The following ERN1 variants were observed in gnomAD, a reference collection of about 807,000 sequenced individuals.
The protein encoded by ERN1 is endoplasmic reticulum to nucleus signaling 1.
ERN1 carries 39 observed loss-of-function variants against 113.1 expected under a neutral mutation model. That is an observed-to-expected ratio of 0.34 (90% CI 0.27 to 0.45). ERN1 has a LOEUF of 0.45. Ranked by LOEUF, ERN1 falls within the 20% of genes least tolerant of loss-of-function variation. The pLI is 1.00. For synonymous variants in ERN1, 507 were observed against 515.9 expected (o/e 0.98, Z 0.23); for missense variants, 976 against 1,274.8 (o/e 0.77, Z 3.57).
At chr17:64,107,347 G>T (rs55905528) in intron 1 of ERN1, among the ~76,000 whole-genome samples, 3 of 152,268 alleles carry the variant, frequency 2.0e-5, no homozygotes, top group Admixed American at 6.5e-5. Flanking sequence ...TTGAGACAGG[G>T]TCTTGCTCTG....
At chr17:64,106,715 T>TACACACAC (rs58544303) in intron 1 of ERN1, among the ~76,000 whole-genome samples, 10,737 of 103,244 alleles carry the variant, frequency 0.1, 1,005 homozygotes, top group East Asian at 0.21. Flanking sequence ...CAGGGTTTCT[T>TACACACAC]ACACACACAC....
At chr17:64,077,242 A>T (rs897620346) in intron 4 of ERN1, among the ~76,000 whole-genome samples, 2 of 152,240 alleles carry the variant, frequency 1.3e-5, no homozygotes, top group Non-Finnish European at 2.9e-5. Context: ...AGCCTAGATC[A>T]GTGGTTCTCA....
intron 19 of ERN1, among the ~76,000 whole-genome samples, chr17:64,047,502 C>A (rs1598043277): frequency 6.6e-6 from 1 of 152,028 alleles, no homozygotes; most frequent in East Asian, 1.9e-4. Flanking sequence ...TAAAGGAGTG[C>A]TCATTATAGC....
chr17:64,065,226 C>T lies in ERN1; in HGVS notation c.904G>A (p.Glu302Lys), dbSNP rs372891669. ...GGACTTACCACGACAGCAACCCCCT[C>T]GTGTACCATTGAGGGAGAGGCATAG... ...SLYASPSMVH[E>K]GVAVVPRGST... The change falls in exon 9 of 22, where the codon GAG becomes AAG. Residue 302 changes from glutamate to lysine, a missense_variant. Glu to Lys is a moderately conservative substitution (Grantham distance 56). Coordinates refer to ENST00000433197, the MANE Select transcript of ERN1 (RefSeq NM_001433.5). 153 of 1,608,478 alleles carry T rather than the reference C, an allele frequency of 9.5e-5. 1 individual carries two copies. In the South Asian group the frequency reaches 1.4e-3, roughly 15 times the overall value.
chr17:64,062,660 CT>C (rs1430339025), intron 10 of ERN1, among the ~76,000 whole-genome samples: 1 of 152,206 alleles, frequency 6.6e-6, no homozygotes, highest in Non-Finnish European at 1.5e-5. Flanking sequence ...CTTAATTCCA[CT>C]TCTTAATCAC....
chr17:64,055,387 G>A (rs1056414337), intron 13 of ERN1, among the ~76,000 whole-genome samples: 2 of 152,208 alleles, frequency 1.3e-5, no homozygotes, highest in African/African-American at 4.8e-5. Context: ...CTGGCCCTGG[G>A]AACTCTCTTC....
intron 10 of ERN1, among the ~76,000 whole-genome samples, chr17:64,061,619 A>G (rs895045960): frequency 6.6e-6 from 1 of 152,210 alleles, no homozygotes; most frequent in African/African-American, 2.4e-5. Context: ...TTTTGTTTTG[A>G]GCCACCACTA....
intron 11 of ERN1, among the ~76,000 whole-genome samples, chr17:64,058,754 G>A (rs572180929): frequency 6.6e-6 from 1 of 152,144 alleles, no homozygotes; most frequent in South Asian, 2.1e-4. Context: ...GGCACATGCT[G>A]AATTTCCCAC....
chr17:64,073,764 T>G (rs150251511), intron 5 of ERN1, among the ~76,000 whole-genome samples: 2,879 of 152,332 alleles, frequency 0.019, 82 homozygotes, highest in African/African-American at 0.065. Context: ...GTGTTGGGAT[T>G]ACAGGCGTGA....
At chr17:64,081,225 A>G (rs186009570) in intron 2 of ERN1, among the ~76,000 whole-genome samples, 161 of 152,344 alleles carry the variant, frequency 1.1e-3, no homozygotes, top group African/African-American at 3.9e-3. Flanking sequence ...GTAGCTCTAC[A>G]TATTCCCATT....
intron 1 of ERN1, among the ~76,000 whole-genome samples, chr17:64,123,210 G>A (rs1400961705): frequency 3.3e-5 from 5 of 152,014 alleles, no homozygotes; most frequent in African/African-American, 4.8e-5. Context: ...CCTCACAACC[G>A]ACCATACAAA....
At chr17:64,076,834 T>C (rs1230479040) in intron 4 of ERN1, among the ~76,000 whole-genome samples, 1 of 152,178 alleles carries the variant, frequency 6.6e-6, no homozygotes, top group African/African-American at 2.4e-5. Flanking sequence ...TCTCCTGACC[T>C]TGTGATCCGC....
intron 17 of ERN1, 95 bp downstream of exon 17, chr17:64,052,685 G>C (rs1272088884): frequency 1.4e-5 from 16 of 1,124,724 alleles, no homozygotes; most frequent in Non-Finnish European, 2.0e-5. Context: ...AGCTACACGG[G>C]CACCAGCCCC....
chr17:64,115,451 G>C (rs1223148848), intron 1 of ERN1, among the ~76,000 whole-genome samples: 1 of 152,154 alleles, frequency 6.6e-6, no homozygotes, highest in African/African-American at 2.4e-5. Flanking sequence ...TAGCAGGAGA[G>C]TCGTGTAATG....
At chr17:64,096,017 T>C (rs1914219414) in intron 2 of ERN1, among the ~76,000 whole-genome samples, 1 of 152,206 alleles carries the variant, frequency 6.6e-6, no homozygotes, top group East Asian at 1.9e-4. Flanking sequence ...GTTCTCATAT[T>C]TTCACCATGG....
At chr17:64,112,231 G>A (rs1031768873) in intron 1 of ERN1, among the ~76,000 whole-genome samples, 8 of 151,992 alleles carry the variant, frequency 5.3e-5, no homozygotes, top group Non-Finnish European at 8.8e-5. Context: ...AGCCGGACAC[G>A]GTGGCACATG....
At chr17:64,074,060 T>C (rs1913513452) in intron 5 of ERN1, among the ~76,000 whole-genome samples, 1 of 152,162 alleles carries the variant, frequency 6.6e-6, no homozygotes, top group Admixed American at 6.5e-5. Context: ...AAAATCATAA[T>C]ATGAATATGA....
Position 64,063,277 on chromosome 17 carries a change from CTAA to C in ERN1, c.1087+706_1087+708del, listed in dbSNP as rs1297250367. Among the ~76,000 whole-genome samples the C allele has an allele frequency of 2.0e-5, 3 of 152,364 alleles. No individual in the cohort carries two copies. The highest frequency in any genetic ancestry group is 4.4e-5 in the Non-Finnish European group (3 of 68,030). ...GGGTTCAAGAAAACTCCCTCCTGCT[CTAA>C]TGACTTGGCACACTTGCCAGGAACA... On this transcript the variant is annotated intron_variant, in intron 10 of 21. Coordinates refer to ENST00000433197, the MANE Select transcript of ERN1 (RefSeq NM_001433.5). The surrounding 1 kb of genome is among the most constrained non-coding windows in gnomAD (Gnocchi z 5.1).
intron 7 of ERN1, chr17:64,067,868 G>A (rs773265760): frequency 8.2e-6 from 2 of 244,880 alleles, no homozygotes; most frequent in South Asian, 7.7e-5. Flanking sequence ...GGTTGTTAAT[G>A]TCCTATGCTG....
Sources: allele counts gnomAD v4.1 joint callset (sites outside exome capture counted in the v4.1 genomes callset), GRCh38; gene constraint gnomAD v4.1.1; non-coding constraint Gnocchi (gnomAD v3.1); transcripts MANE v1.5; gene names NCBI Gene and HGNC (gene_info 2026-07-23, HGNC 2026-07-21).